SMIM10L3: variants seen among roughly 807,000 people sequenced by gnomAD.
SMIM10L3 encodes the protein salivary gland specific protein SAGSIN1.
At chr7:6,340,375 A>C in the SMIM10L3 span, among the ~76,000 whole-genome samples, 1 of 152,124 alleles carries the variant, frequency 6.6e-6, no homozygotes, top group Admixed American at 6.6e-5. Context: ...GGTGCGGTGG[A>C]GGACGGAGAA....
the SMIM10L3 span, among the ~76,000 whole-genome samples, chr7:6,332,591 A>C: frequency 6.6e-6 from 1 of 152,098 alleles, no homozygotes; most frequent in African/African-American, 2.4e-5. Context: ...CCAGATTCTC[A>C]GGAGGCTGAT....
chr7:6,334,291 T>C, the SMIM10L3 span, among the ~76,000 whole-genome samples: 2 of 151,172 alleles, frequency 1.3e-5, no homozygotes, highest in Non-Finnish European at 3.0e-5. Flanking sequence ...ATCCCAGCAC[T>C]TGGGGAGGCC....
the SMIM10L3 span, among the ~76,000 whole-genome samples, chr7:6,338,133 C>G: frequency 1.2e-3 from 176 of 152,256 alleles, no homozygotes; most frequent in African/African-American, 4.2e-3. Context: ...TTATCAAAAA[C>G]ATTTTGGCTC....
chr7:6,347,442 G>A, the SMIM10L3 span, among the ~76,000 whole-genome samples: 1 of 152,022 alleles, frequency 6.6e-6, no homozygotes, highest in Non-Finnish European at 1.5e-5. Flanking sequence ...CTTGAACTCG[G>A]GAGGCAGAGG....
the SMIM10L3 span, chr7:6,330,527 GT>G: frequency 6.2e-7 from 1 of 1,614,154 alleles, no homozygotes; most frequent in East Asian, 2.2e-5. Context: ...AGGAAAATGC[GT>G]TTTGTCTCCT....
the SMIM10L3 span, among the ~76,000 whole-genome samples, chr7:6,343,009 C>G: frequency 4.0e-5 from 6 of 150,468 alleles, no homozygotes; most frequent in Non-Finnish European, 8.8e-5. Context: ...TGCACTCCAG[C>G]CTGGATGACA....
At chr7:6,331,738 C>CTTT in the SMIM10L3 span, among the ~76,000 whole-genome samples, 11 of 117,752 alleles carry the variant, frequency 9.3e-5, no homozygotes, top group Admixed American at 1.8e-4. Flanking sequence ...ATAATAGAGG[C>CTTT]TTTTTTTTTT....
the SMIM10L3 span, among the ~76,000 whole-genome samples, chr7:6,343,764 A>C: frequency 1.3e-5 from 2 of 152,066 alleles, no homozygotes; most frequent in Non-Finnish European, 2.9e-5. Flanking sequence ...ACCTCCTTAA[A>C]ATGCCTCACT....
chr7:6,344,479 G>C, the SMIM10L3 span, among the ~76,000 whole-genome samples: 2 of 152,020 alleles, frequency 1.3e-5, no homozygotes, highest in African/African-American at 4.8e-5. Context: ...CTGGAGTACA[G>C]TGGTACAATT....
At chr7:6,330,753 C>A in the SMIM10L3 span, 1 of 1,614,134 alleles carries the variant, frequency 6.2e-7, no homozygotes, top group Non-Finnish European at 8.5e-7. Context: ...TGGCCCTGGG[C>A]CCTCCTCCCA....
At chr7:6,338,251 A>G in the SMIM10L3 span, among the ~76,000 whole-genome samples, 1 of 152,216 alleles carries the variant, frequency 6.6e-6, no homozygotes, top group Non-Finnish European at 1.5e-5. Flanking sequence ...TAAGTCATTT[A>G]TGAGTTTTTT....
At chr7:6,333,434 C>A in the SMIM10L3 span, among the ~76,000 whole-genome samples, 1 of 151,986 alleles carries the variant, frequency 6.6e-6, no homozygotes, top group African/African-American at 2.4e-5. Context: ...GGCTGTTCCA[C>A]AGAGCAGGAA....
chr7:6,335,380 G>A, the SMIM10L3 span, among the ~76,000 whole-genome samples: 1 of 151,828 alleles, frequency 6.6e-6, no homozygotes, highest in South Asian at 2.1e-4. Flanking sequence ...CCGCCACCAC[G>A]CCTGGCTAAT....
the SMIM10L3 span, among the ~76,000 whole-genome samples, chr7:6,339,947 T>G: frequency 1.3e-5 from 2 of 151,396 alleles, no homozygotes; most frequent in Non-Finnish European, 2.9e-5. Context: ...TGCAGCTGCA[T>G]GATCTCAGCT....
the SMIM10L3 span, among the ~76,000 whole-genome samples, chr7:6,343,114 C>T: frequency 1.3e-5 from 2 of 151,316 alleles, no homozygotes; most frequent in African/African-American, 4.9e-5. Context: ...CAGTGGCTTA[C>T]ACCTGTAATC....
chr7:6,340,813 G>A, the SMIM10L3 span, among the ~76,000 whole-genome samples: 3 of 150,472 alleles, frequency 2.0e-5, no homozygotes, highest in East Asian at 3.9e-4. Context: ...GCAGGAGAAT[G>A]GCGTGAACCC....
At chr7:6,333,110 T>C in the SMIM10L3 span, among the ~76,000 whole-genome samples, 2 of 144,004 alleles carry the variant, frequency 1.4e-5, no homozygotes, top group East Asian at 4.1e-4. Context: ...TGAGCCGAGA[T>C]CCCACCACTG....
chr7:6,337,890 G>A, the SMIM10L3 span, among the ~76,000 whole-genome samples: 38 of 151,548 alleles, frequency 2.5e-4, no homozygotes, highest in Admixed American at 1.4e-3. Context: ...TGCAACCTCC[G>A]CCTCCCAGGT....
chr7:6,330,822 T>C, the SMIM10L3 span: 1 of 1,614,162 alleles, frequency 6.2e-7, no homozygotes, highest in Non-Finnish European at 8.5e-7. Context: ...CAAAACACTC[T>C]GTTGGAGCAG....
Sources: allele counts gnomAD v4.1 joint callset (sites outside exome capture counted in the v4.1 genomes callset), GRCh38; gene constraint gnomAD v4.1.1; transcripts MANE v1.5; gene names NCBI Gene and HGNC (gene_info 2026-07-23, HGNC 2026-07-21).